The following DCLK2 variants were observed in gnomAD, a reference collection of about 807,000 sequenced individuals.
The protein encoded by DCLK2 is doublecortin like kinase 2.
A neutral mutation model predicts 78.4 loss-of-function variants in DCLK2; 31 were observed. The observed-to-expected ratio is 0.40, with a 90% CI of 0.30 to 0.53. The LOEUF is 0.53. DCLK2 is among the 20% of genes least tolerant of loss of function. The pLI is 0.61. For synonymous variants in DCLK2, 407 were observed against 374.9 expected, an observed-to-expected ratio of 1.09 and a Z score of -0.99; for missense variants, 872 against 973.7, an observed-to-expected ratio of 0.90 and a Z score of 1.39.
intron 12 of DCLK2, among the ~76,000 whole-genome samples, 181 bp from the exon 13 acceptor site, chr4:150,247,422 C>T (rs925980932): frequency 2.6e-5 from 4 of 152,262 alleles, no homozygotes; most frequent in Middle Eastern, 3.4e-3. Flanking sequence ...TGTTCTTTGG[C>T]TCATTATCTA....
At chr4:150,177,223 A>G (rs1737154847) in intron 2 of DCLK2, among the ~76,000 whole-genome samples, 1 of 152,086 alleles carries the variant, frequency 6.6e-6, no homozygotes, top group Non-Finnish European at 1.5e-5. Flanking sequence ...GACATCTTGC[A>G]GGGTTTTTTT....
intron 1 of DCLK2, among the ~76,000 whole-genome samples, chr4:150,089,492 G>A (rs536927085): frequency 9.2e-5 from 14 of 152,330 alleles, no homozygotes; most frequent in African/African-American, 3.1e-4. Flanking sequence ...ACGTTTCAAT[G>A]TGAAGGTTTC....
intron 2 of DCLK2, among the ~76,000 whole-genome samples, chr4:150,105,385 G>C (rs1731183181): frequency 6.6e-6 from 1 of 151,354 alleles, no homozygotes. Context: ...GACAGAATTA[G>C]TGAACATTAA....
intron 5 of DCLK2, among the ~76,000 whole-genome samples, chr4:150,215,775 T>G (rs536915128): frequency 6.6e-6 from 1 of 152,364 alleles, no homozygotes; most frequent in East Asian, 1.9e-4. Context: ...AGCCGGTTTG[T>G]TCTGTTTTTT....
chr4:150,126,505 C>T (rs1732927441), intron 2 of DCLK2, among the ~76,000 whole-genome samples: 1 of 152,156 alleles, frequency 6.6e-6, no homozygotes, highest in Non-Finnish European at 1.5e-5. Context: ...AAGGATATTC[C>T]AGGCCGTGGA....
chr4:150,208,185 G>A (rs545675943), intron 5 of DCLK2, among the ~76,000 whole-genome samples: 4 of 152,292 alleles, frequency 2.6e-5, no homozygotes, highest in Non-Finnish European at 5.9e-5. Flanking sequence ...GAAGCCCAAG[G>A]TTGGGCCTAG....
intron 2 of DCLK2, among the ~76,000 whole-genome samples, chr4:150,160,628 G>C (rs1735636762): frequency 6.6e-6 from 1 of 152,172 alleles, no homozygotes; most frequent in African/African-American, 2.4e-5. Flanking sequence ...AGTAAATTGG[G>C]ATAGAGCCAA....
chr4:150,241,789 C>A (rs776144463), intron 12 of DCLK2, among the ~76,000 whole-genome samples: 4 of 152,138 alleles, frequency 2.6e-5, no homozygotes, highest in Non-Finnish European at 5.9e-5. Flanking sequence ...TCACTCTAAC[C>A]ACATACAGTG....
chr4:150,159,827 C>T (rs796295778), intron 2 of DCLK2, among the ~76,000 whole-genome samples: 25 of 151,972 alleles, frequency 1.6e-4, no homozygotes, highest in African/African-American at 4.1e-4. Flanking sequence ...CGAGAGAACA[C>T]GTTTTCATAT....
At chr4:150,188,936 T>C (rs1738172528) in intron 2 of DCLK2, among the ~76,000 whole-genome samples, 1 of 150,740 alleles carries the variant, frequency 6.6e-6, no homozygotes, top group African/African-American at 2.4e-5. Flanking sequence ...CAAATAAGCT[T>C]CTATGGAAAA....
chr4:150,229,452 T>C (rs1741875702), intron 8 of DCLK2, among the ~76,000 whole-genome samples: 1 of 152,132 alleles, frequency 6.6e-6, no homozygotes, highest in African/African-American at 2.4e-5. Context: ...TGGGCAGACA[T>C]TGGTGATTGT....
intron 5 of DCLK2, among the ~76,000 whole-genome samples, chr4:150,213,932 T>C (rs1740494770): frequency 6.6e-6 from 1 of 152,224 alleles, no homozygotes; most frequent in Non-Finnish European, 1.5e-5. Context: ...TGGATTCTGA[T>C]TCCACATTTG....
At chr4:150,175,856 TC>T (rs1258388544) in intron 2 of DCLK2, among the ~76,000 whole-genome samples, 12 of 152,212 alleles carry the variant, frequency 7.9e-5, no homozygotes, top group Admixed American at 3.3e-4. Flanking sequence ...AAGCCCTCTC[TC>T]CCCTCTCTGT....
chr4:150,242,830 A>G (rs1042223057), intron 12 of DCLK2, among the ~76,000 whole-genome samples: 2 of 152,226 alleles, frequency 1.3e-5, no homozygotes, highest in East Asian at 1.9e-4. Flanking sequence ...AGCTAAGTAT[A>G]TAGTGGGAAG....
Position 150,193,156 on chromosome 4 carries a change from T to C in DCLK2, c.775T>C (p.Phe259Leu). The C allele has an allele frequency of 6.2e-7, 1 of 1,607,620 alleles. No individual in the cohort carries two copies. Among genetic ancestry groups the C allele is most frequent in the Non-Finnish European group, 8.5e-7 (1 of 1,175,648 alleles). The change falls in exon 3 of 16, where the codon TTT (phenylalanine) becomes CTT (leucine). Residue 259 changes from phenylalanine (F) to leucine (L), a missense_variant. Phe to Leu is a conservative substitution (Grantham distance 22, BLOSUM62 0). Around this residue, in one of 3 missense-constraint regions of DCLK2, gnomAD observed 567 missense variants for 593.4 expected, o/e 0.96. Transcript: ENST00000296550. ...TTCTCAGGTTACTTGTCTGCAAGAC[T>C]TTTTTGGTGATGACGATGTTTTTAT... ...DGKQVTCLQDFFGDDDVFIAC... is the reference protein window; with the variant it reads ...DGKQVTCLQDLFGDDDVFIAC...
At chr4:150,208,604 G>A (rs994857563) in intron 5 of DCLK2, among the ~76,000 whole-genome samples, 4 of 152,036 alleles carry the variant, frequency 2.6e-5, no homozygotes, top group Admixed American at 6.6e-5. Context: ...GGAATAGGGA[G>A]GGGGAGGTGT....
At chr4:150,176,155 C>T (rs1184764730) in intron 2 of DCLK2, among the ~76,000 whole-genome samples, 1 of 152,194 alleles carries the variant, frequency 6.6e-6, no homozygotes, top group Non-Finnish European at 1.5e-5. Context: ...GCCTAAGCCC[C>T]ATGGTTTTCC....
At chr4:150,196,195 G>A (rs1388715762) in intron 3 of DCLK2, among the ~76,000 whole-genome samples, 1 of 152,146 alleles carries the variant, frequency 6.6e-6, no homozygotes, top group Non-Finnish European at 1.5e-5. Context: ...CCTGATCTTA[G>A]TGAAGTAACT....
chr4:150,175,860 C>T (rs963456501), intron 2 of DCLK2, among the ~76,000 whole-genome samples: 2 of 152,170 alleles, frequency 1.3e-5, no homozygotes, highest in African/African-American at 4.8e-5. Flanking sequence ...CCTCTCTCCC[C>T]TCTCTGTACC....
Sources: allele counts gnomAD v4.1 joint callset (sites outside exome capture counted in the v4.1 genomes callset), GRCh38; gene constraint gnomAD v4.1.1; regional missense constraint gnomAD v4.1.1; transcripts MANE v1.5; gene names NCBI Gene and HGNC (gene_info 2026-07-23, HGNC 2026-07-21).